Variants in PDE4DIP observed in about 807,000 individuals in gnomAD.
PDE4DIP encodes the protein myomegalin.
PDE4DIP carries 59 observed loss-of-function variants against 221.4 expected under a neutral mutation model. The observed-to-expected ratio is 0.27, with a 90% CI of 0.22 to 0.33. The LOEUF (loss-of-function observed/expected upper bound fraction) is 0.33. Among genes scored for constraint, PDE4DIP ranks in the 10% least tolerant of loss-of-function variants. PDE4DIP has a pLI of 1.00. For missense variants in PDE4DIP, 1,036 were observed against 2,154.2 expected (o/e 0.48, Z 10.28); for synonymous variants, 404 against 815.9 (o/e 0.50, Z 8.60).
At chr1:148,971,237 A>G (rs587741902) in intron 14 of PDE4DIP, among the ~76,000 whole-genome samples, 1 of 150,998 alleles carries the variant, frequency 6.6e-6, no homozygotes, top group Non-Finnish European at 1.5e-5. Context: ...TTCATTCAGT[A>G]AATATGTAGT....
chr1:148,961,030 G>A (rs587676182), intron 6 of PDE4DIP, among the ~76,000 whole-genome samples: 4 of 152,226 alleles, frequency 2.6e-5, no homozygotes, highest in South Asian at 2.1e-4. Flanking sequence ...CATGCAGGCC[G>A]GCGCAGTGGC....
intron 4 of PDE4DIP, among the ~76,000 whole-genome samples, chr1:148,934,513 T>C (rs1248726131): frequency 6.6e-6 from 1 of 152,260 alleles, no homozygotes; most frequent in Non-Finnish European, 1.5e-5. Context: ...CTAGTGCAGA[T>C]ACCATGAGGG....
intron 1 of PDE4DIP, among the ~76,000 whole-genome samples, chr1:148,916,020 T>A (rs1553458098): frequency 2.7e-5 from 4 of 149,352 alleles, no homozygotes; most frequent in Admixed American, 2.7e-4. Flanking sequence ...GTGATTCAGG[T>A]CAGACTATGT....
At chr1:149,000,424 A>G (rs1163386256) in intron 23 of PDE4DIP, among the ~76,000 whole-genome samples, 4 of 151,940 alleles carry the variant, frequency 2.6e-5, no homozygotes, top group Non-Finnish European at 5.9e-5. Context: ...GCGTGGTGGC[A>G]CGTGCCTGTA....
At chr1:148,911,931 T>C (rs587675817) in intron 1 of PDE4DIP, among the ~76,000 whole-genome samples, 1 of 149,384 alleles carries the variant, frequency 6.7e-6, no homozygotes, top group East Asian at 1.9e-4. Flanking sequence ...AAATTTAATA[T>C]AATCACAGGA....
At chr1:149,025,868 C>T (rs1457753006) in intron 38 of PDE4DIP, 1 of 151,994 alleles carries the variant, frequency 6.6e-6, no homozygotes, top group Non-Finnish European at 1.5e-5. Context: ...AATAAAAAAA[C>T]ACATGTGGTC....
At chr1:148,884,772 G>A (rs1291502102), upstream of PDE4DIP, among the ~76,000 whole-genome samples, 1 of 152,204 alleles carries the variant, frequency 6.6e-6, no homozygotes, top group African/African-American at 2.4e-5. Context: ...TATTTGTACA[G>A]TTCATATTGT....
intron 41 of PDE4DIP, among the ~76,000 whole-genome samples, chr1:149,029,292 C>T (rs1336682198): frequency 6.6e-6 from 1 of 152,180 alleles, no homozygotes; most frequent in Non-Finnish European, 1.5e-5. Flanking sequence ...ATTCTACTTC[C>T]AGGTCAATGG....
At chr1:148,955,248 G>A (rs1216727791) in intron 5 of PDE4DIP, among the ~76,000 whole-genome samples, 2 of 152,274 alleles carry the variant, frequency 1.3e-5, no homozygotes, top group African/African-American at 4.8e-5. Flanking sequence ...ACTAGACATA[G>A]GTGTTACAAA....
intron 17 of PDE4DIP, among the ~76,000 whole-genome samples, chr1:148,975,909 A>G (rs1390696486): frequency 5.9e-5 from 9 of 152,002 alleles, no homozygotes; most frequent in Non-Finnish European, 1.3e-4. Flanking sequence ...CAGAATTATC[A>G]TATTTTATCT....
At chr1:149,024,510 G>T (rs782448831) in exon 38 of PDE4DIP, 1 of 1,017,736 alleles carries the variant, frequency 9.8e-7, no homozygotes. Context: ...GGTGGCAGAG[G>T]TACGAGCTCT....
intron 1 of PDE4DIP, among the ~76,000 whole-genome samples, chr1:148,912,287 C>A (rs1274614889): frequency 2.0e-5 from 3 of 146,952 alleles, no homozygotes; most frequent in Admixed American, 6.7e-5. Flanking sequence ...TTGCACTTGG[C>A]AGTTTGCATT....
chr1:148,929,292 C>T lies in PDE4DIP; in HGVS notation c.218+19C>T. 6.3e-7 allele frequency: 1 copy of T among 1,596,914 alleles called. No homozygotes were observed. Among genetic ancestry groups the T allele is most frequent in the Non-Finnish European group, 8.6e-7 (1 of 1,168,144 alleles). ...AAACATGGTAAGTTGTAATTTTAAGCTCTGGTCCTTTCCAGAGTCTGTCTT... is the reference window on the plus strand; with the variant it reads ...AAACATGGTAAGTTGTAATTTTAAGTTCTGGTCCTTTCCAGAGTCTGTCTT... On this transcript the variant is annotated intron_variant, in intron 2 of 43. Transcript: ENST00000369354.
chr1:149,013,781 C>CTTTTTT lies in PDE4DIP; in HGVS notation c.5266+1024_5266+1029dup, dbSNP rs71582768. Among the ~76,000 whole-genome samples, 30 of 31,942 alleles carry CTTTTTT rather than the reference C, an allele frequency of 9.4e-4. 3 individuals carry two copies. The highest frequency in any genetic ancestry group is 1.8e-3 in the South Asian group (1 of 560). The allele number at this position is 31,942 out of a possible 152,430, so 21.0% of individuals were successfully genotyped here. A position where few individuals can be genotyped will look rare whatever the true frequency, so the allele number is the denominator to read the frequency against. On this transcript the variant is annotated intron_variant, in intron 32 of 43. Transcript: ENST00000369354. ...CCAGCATATTTCTTTCCTTCTTCCT[C>CTTTTTT]TTTTTTTTTTTTTTTTTTTTTTTTG...
rs185669072 is a variant in PDE4DIP at position 148,979,691 on chromosome 1, C to T, written c.2575-46C>T. 8.3e-6 allele frequency: 13 copies of T among 1,557,502 alleles called. No homozygotes were observed. The East Asian group carries it at 2.5e-4, about 30-fold the overall frequency. On this transcript the variant is annotated intron_variant, in intron 19 of 43. Coordinates refer to ENST00000369354, the Ensembl canonical transcript of PDE4DIP. Reference sequence around the variant, plus strand: ...GCATTTTCTTGTTTCTTATTCATGTCTCACTGTGCCATTTGCGTATTGCTT... The same window carrying T: ...GCATTTTCTTGTTTCTTATTCATGTTTCACTGTGCCATTTGCGTATTGCTT...
exon 19 of PDE4DIP, chr1:148,978,328 C>T: frequency 1.2e-6 from 2 of 1,612,456 alleles, no homozygotes; most frequent in East Asian, 4.5e-5. Context: ...CTATGGAACG[C>T]CTGACCCAGG....
At chr1:149,001,817 C>A (rs1553577685) in exon 24 of PDE4DIP, 5 of 1,494,094 alleles carry the variant, frequency 3.3e-6, no homozygotes, top group Non-Finnish European at 4.7e-6. Context: ...CCTCAAAGAA[C>A]AACTTGTGCT....
At chr1:149,023,924 CACAT>C (rs1483855825) in intron 37 of PDE4DIP, among the ~76,000 whole-genome samples, 3 of 149,464 alleles carry the variant, frequency 2.0e-5, no homozygotes, top group South Asian at 4.3e-4. Flanking sequence ...CACACACACA[CACAT>C]ATATATAGAG....
At position 148,865,213 on chromosome 1, in the gene PDE4DIP, C is replaced by T. The variant is rs1316367246; in HGVS notation, c.289+1908C>T. ...AAGCAATTCTCCTGCCTCAGCCTCC[C>T]GAGTAGCTGGGATTACATGCGCTTG... is the stretch of plus-strand genomic sequence containing the variant. On this transcript the variant is annotated intron_variant, in intron 2 of 45. Transcript: ENST00000524974. Among the ~76,000 whole-genome samples the T allele has an allele frequency of 7.7e-4, 98 of 127,600 alleles. No homozygotes were observed. The East Asian group carries it at 0.011, about 14-fold the overall frequency. The allele number at this position is 127,600 out of a possible 152,430, so 83.7% of individuals were successfully genotyped here. A position where few individuals can be genotyped will look rare whatever the true frequency, so the allele number is the denominator to read the frequency against.
Sources: gnomAD v4.1 joint callset for allele counts (sites outside exome capture counted in the v4.1 genomes callset) on GRCh38, gnomAD v4.1.1 for gene constraint, MANE v1.5 for transcripts, NCBI Gene and HGNC (gene_info 2026-07-23, HGNC 2026-07-21) for gene names.